Variants in FIG4 observed in about 807,000 individuals in gnomAD.
FIG4 encodes the protein polyphosphoinositide phosphatase.
In FIG4, 112 loss-of-function variants were observed where a neutral mutation model predicts 118.6. That is an observed-to-expected ratio of 0.94 (90% CI 0.81 to 1.11). FIG4 has a LOEUF of 1.11. FIG4 is among the 50% of genes least tolerant of loss of function. The pLI is 0.00. For missense variants in FIG4, 969 were observed against 1,111.7 expected (o/e 0.87, Z 1.83); for synonymous variants, 369 against 381.2 (o/e 0.97, Z 0.37).
At position 109,825,257 on chromosome 6, in the gene FIG4, T is replaced by A; in HGVS notation, c.2716T>A (p.Tyr906Asn). Residue 906 changes from tyrosine (Y) to asparagine (N), a missense_variant, in exon 23 of 23, where the codon TAC (tyrosine) becomes AAC (asparagine). Physicochemically the swap from Tyr to Asn is moderately radical, Grantham distance 143. Coordinates refer to ENST00000230124, the MANE Select transcript of FIG4 (RefSeq NM_014845.6). ...GTACCGAGAGTACATCAGGAACCGCTACCTGTGAAAAGAGCGCAGGTCCAC... is the reference window on the plus strand; with the variant it reads ...GTACCGAGAGTACATCAGGAACCGCAACCTGTGAAAAGAGCGCAGGTCCAC... ...SMYREYIRNR[Y>N]L 1 of 1,614,058 alleles carries A rather than the reference T, an allele frequency of 6.2e-7. No homozygotes were observed. The highest frequency in any genetic ancestry group is 8.5e-7 in the Non-Finnish European group (1 of 1,179,944).
intron 1 of FIG4, among the ~76,000 whole-genome samples, chr6:109,706,101 A>G (rs1258253570): frequency 6.6e-6 from 1 of 152,248 alleles, no homozygotes; most frequent in Non-Finnish European, 1.5e-5. Flanking sequence ...CTAGGAAATT[A>G]AAATCCACAG....
At chr6:109,738,561 C>T in intron 7 of FIG4, 108 bp downstream of exon 7, 1 of 1,079,334 alleles carries the variant, frequency 9.3e-7, no homozygotes, top group Admixed American at 1.8e-5. Context: ...TCTGTGCACC[C>T]CAACAGGAAA....
intron 3 of FIG4, among the ~76,000 whole-genome samples, chr6:109,720,875 T>G (rs1374799067): frequency 6.6e-6 from 1 of 152,170 alleles, no homozygotes; most frequent in Non-Finnish European, 1.5e-5. Context: ...CCTTTGTTAT[T>G]TGACAGCCAG....
chr6:109,790,893 G>A (rs530507619), intron 19 of FIG4, among the ~76,000 whole-genome samples: 14 of 152,232 alleles, frequency 9.2e-5, no homozygotes, highest in African/African-American at 3.4e-4. Context: ...TTAAAATGTA[G>A]TTTATGTTCA....
At chr6:109,736,256 C>T (rs528284789) in intron 6 of FIG4, among the ~76,000 whole-genome samples, 1 of 152,224 alleles carries the variant, frequency 6.6e-6, no homozygotes, top group African/African-American at 2.4e-5. Flanking sequence ...CCTTGCAGCA[C>T]TCTCAAAAAG....
At chr6:109,743,609 C>G in intron 9 of FIG4, 66 bp from the exon 10 acceptor site, 1 of 1,229,926 alleles carries the variant, frequency 8.1e-7, no homozygotes, top group Non-Finnish European at 1.2e-6. Context: ...AAAAACAACC[C>G]TATGCTTCTT....
chr6:109,796,809 G>T lies in FIG4; in HGVS notation c.2504G>T (p.Ser835Ile), dbSNP rs773468574. 2 of 1,612,268 alleles carry T rather than the reference G, an allele frequency of 1.2e-6. No individual in the cohort carries two copies. The highest frequency in any genetic ancestry group is 2.2e-5 in the South Asian group (2 of 91,040). ...AGTCAACATAAACAAGACAAGAATA[G>T]CCAGCAGCCCTGTTCTAGGTGCTCA... The part of the protein sequence containing the change: ...GQSQHKQDKN[S>I]QQPCSRCSDG... Residue 835 changes from serine to isoleucine, a missense_variant, in exon 22 of 23, where the codon AGC becomes ATC. Transcript: ENST00000230124.
intron 1 of FIG4, among the ~76,000 whole-genome samples, chr6:109,706,569 C>T (rs1775072658): frequency 6.6e-6 from 1 of 152,214 alleles, no homozygotes; most frequent in African/African-American, 2.4e-5. Flanking sequence ...TCCCTTTGGG[C>T]TACTCTCTGT....
chr6:109,731,615 G>A (rs899359719), intron 4 of FIG4, among the ~76,000 whole-genome samples: 11 of 152,160 alleles, frequency 7.2e-5, no homozygotes, highest in African/African-American at 2.7e-4. Context: ...AAAGAATAGA[G>A]TATAACAACT....
intron 22 of FIG4, among the ~76,000 whole-genome samples, chr6:109,824,005 A>C (rs948590331): frequency 6.6e-5 from 10 of 152,110 alleles, no homozygotes; most frequent in African/African-American, 1.7e-4. Flanking sequence ...CCGTACACAC[A>C]CATGCTCTGC....
intron 15 of FIG4, among the ~76,000 whole-genome samples, chr6:109,770,346 CGT>C (rs140928178): frequency 2.1e-3 from 319 of 151,260 alleles, no homozygotes; most frequent in African/African-American, 6.3e-3. Flanking sequence ...GCTGTATATA[CGT>C]GTGTGTGTGT....
chr6:109,755,655 C>T (rs1377244390), intron 10 of FIG4, among the ~76,000 whole-genome samples: 1 of 152,178 alleles, frequency 6.6e-6, no homozygotes, highest in Non-Finnish European at 1.5e-5. Flanking sequence ...GGATAGTTAG[C>T]TCTTCTTGTT....
chr6:109,779,638 G>C (rs1777735403), intron 16 of FIG4, among the ~76,000 whole-genome samples: 1 of 152,052 alleles, frequency 6.6e-6, no homozygotes. Flanking sequence ...AGGGGAAGAG[G>C]GAATTGATAC....
chr6:109,750,438 A>C (rs1383928007), intron 10 of FIG4, among the ~76,000 whole-genome samples: 1 of 152,142 alleles, frequency 6.6e-6, no homozygotes, highest in Admixed American at 6.5e-5. Context: ...GTCTGAGAGC[A>C]GACTGGGCAG....
chr6:109,740,541 C>T (rs191854058), intron 7 of FIG4, among the ~76,000 whole-genome samples: 4 of 152,110 alleles, frequency 2.6e-5, no homozygotes, highest in Non-Finnish European at 4.4e-5. Context: ...TTAAGTAAGG[C>T]GACATAACTA....
At chr6:109,777,869 A>T (rs1303751114) in intron 16 of FIG4, among the ~76,000 whole-genome samples, 1 of 152,198 alleles carries the variant, frequency 6.6e-6, no homozygotes, top group Non-Finnish European at 1.5e-5. Context: ...CAGTTCTGTG[A>T]CCTGGGTCGA....
chr6:109,712,373 CTGGTATACCAG>C (rs1363738859), intron 1 of FIG4, among the ~76,000 whole-genome samples: 1 of 152,032 alleles, frequency 6.6e-6, no homozygotes, highest in African/African-American at 2.4e-5. Context: ...CATTCTCTTT[CTGGTATACCAG>C]TGAGTCGTAG....
intron 10 of FIG4, among the ~76,000 whole-genome samples, chr6:109,748,003 A>G (rs1245896235): frequency 2.6e-5 from 4 of 152,186 alleles, no homozygotes; most frequent in East Asian, 1.9e-4. Context: ...GCATGTGTGT[A>G]TTTGTGAGCA....
chr6:109,822,771 A>ATGTG (rs1162368065), intron 22 of FIG4, among the ~76,000 whole-genome samples: 1 of 92,356 alleles, frequency 1.1e-5, no homozygotes, highest in African/African-American at 3.9e-5. Context: ...GTGTATATAT[A>ATGTG]TGTGTGTGTG....
Sources: gnomAD v4.1 joint callset for allele counts (sites outside exome capture counted in the v4.1 genomes callset) on GRCh38, gnomAD v4.1.1 for gene constraint, MANE v1.5 for transcripts, NCBI Gene and HGNC (gene_info 2026-07-23, HGNC 2026-07-21) for gene names.